The following DCC variants were observed in gnomAD, a reference collection of about 807,000 sequenced individuals.
DCC encodes the protein netrin receptor DCC.
DCC carries 58 observed loss-of-function variants against 172.5 expected under a neutral mutation model. The observed-to-expected ratio is 0.34, with a 90% CI of 0.27 to 0.42. The LOEUF is 0.42. Among genes scored for constraint, DCC ranks in the 10% least tolerant of loss-of-function variants. DCC has a pLI of 1.00. For synonymous variants in DCC, 709 were observed against 644.5 expected, an observed-to-expected ratio of 1.10 and a Z score of -1.52; for missense variants, 1,740 against 1,791.0, an observed-to-expected ratio of 0.97 and a Z score of 0.51.
At chr18:52,990,556 A>AG (rs2041372140) in intron 5 of DCC, among the ~76,000 whole-genome samples, 5 of 149,612 alleles carry the variant, frequency 3.3e-5, no homozygotes, top group Admixed American at 6.6e-5. Flanking sequence ...AAAAAAAAAA[A>AG]AAAAAAAAAA....
chr18:52,565,475 T>C (rs1346543464), intron 1 of DCC, among the ~76,000 whole-genome samples: 1 of 152,186 alleles, frequency 6.6e-6, no homozygotes, highest in Admixed American at 6.6e-5. Context: ...AAAGTGTTCC[T>C]ATTTCTCCAC....
intron 9 of DCC, among the ~76,000 whole-genome samples, chr18:53,201,614 G>C (rs1598900529): frequency 6.6e-6 from 1 of 152,164 alleles, no homozygotes; most frequent in Non-Finnish European, 1.5e-5. Context: ...ATACAGTACT[G>C]TGACCATCCA....
At chr18:53,140,053 G>C (rs149023305) in intron 7 of DCC, among the ~76,000 whole-genome samples, 3 of 152,288 alleles carry the variant, frequency 2.0e-5, no homozygotes, top group Admixed American at 6.5e-5. Context: ...CAGATGAATA[G>C]ATAGATAAAT....
intron 13 of DCC, among the ~76,000 whole-genome samples, chr18:53,311,130 A>C (rs5825013): frequency 4.1e-4 from 15 of 36,584 alleles, no homozygotes; most frequent in Middle Eastern, 0.017. Context: ...TTATTTATTT[A>C]TTTTTTTTGA....
intron 1 of DCC, among the ~76,000 whole-genome samples, chr18:52,748,596 T>C (rs2036946130): frequency 6.6e-6 from 1 of 152,154 alleles, no homozygotes; most frequent in African/African-American, 2.4e-5. Context: ...CTTCTTGTCG[T>C]CTTGGGTGGC....
chr18:52,894,949 A>G (rs1282820775), intron 2 of DCC, among the ~76,000 whole-genome samples: 1 of 152,216 alleles, frequency 6.6e-6, no homozygotes, highest in Non-Finnish European at 1.5e-5. Flanking sequence ...TGGGTGCCCC[A>G]CGGCCCAGTC....
At chr18:52,957,783 G>A (rs2040770638) in intron 5 of DCC, among the ~76,000 whole-genome samples, 1 of 152,096 alleles carries the variant, frequency 6.6e-6, no homozygotes, top group African/African-American at 2.4e-5. Context: ...AACTCAATAG[G>A]ATGTGAGAGT....
At chr18:53,200,079 G>C (rs536306769) in intron 9 of DCC, among the ~76,000 whole-genome samples, 1 of 152,174 alleles carries the variant, frequency 6.6e-6, no homozygotes, top group African/African-American at 2.4e-5. Context: ...AATACTTAAA[G>C]TAAATGATCC....
chr18:53,327,382 G>A (rs1178892879), intron 14 of DCC, among the ~76,000 whole-genome samples: 2 of 151,972 alleles, frequency 1.3e-5, no homozygotes, highest in African/African-American at 4.8e-5. Context: ...AGAAATGAGA[G>A]AATTTGTGAT....
At chr18:52,502,572 T>C (rs185236627) in intron 1 of DCC, among the ~76,000 whole-genome samples, 21 of 152,326 alleles carry the variant, frequency 1.4e-4, no homozygotes, top group Non-Finnish European at 2.6e-4. Flanking sequence ...ACATCTAGAA[T>C]TGATCCTTCC....
intron 2 of DCC, among the ~76,000 whole-genome samples, chr18:52,869,001 C>T (rs745329740): frequency 1.3e-5 from 2 of 152,338 alleles, no homozygotes; most frequent in Non-Finnish European, 2.9e-5. Context: ...CTGGAGATGG[C>T]AGGAACTGCA....
At chr18:53,333,035 G>A (rs7242224) in intron 14 of DCC, among the ~76,000 whole-genome samples, 6,575 of 148,976 alleles carry the variant, frequency 0.044, 469 homozygotes, top group African/African-American at 0.15. Flanking sequence ...GCGCTACTGC[G>A]CTCCAGCCTG....
Position 53,426,029 on chromosome 18 carries a change from C to CT in DCC, c.3164-9107dup, listed in dbSNP as rs558022372. ...GGGAGTTTTATTATTGTACCTCTGC[C>CT]TTTTTTTTCTAAGCTCATCCACCTC... On this transcript the variant is annotated intron_variant, in intron 21 of 28. Transcript: ENST00000442544. Among the ~76,000 whole-genome samples the CT allele has an allele frequency of 1.9e-4, 29 of 151,296 alleles. No individual in the cohort carries two copies. The South Asian group carries it at 5.0e-3, about 26-fold the overall frequency.
intron 1 of DCC, among the ~76,000 whole-genome samples, chr18:52,609,835 TA>T (rs1307162468): frequency 7.9e-5 from 12 of 151,946 alleles, no homozygotes; most frequent in African/African-American, 2.9e-4. Context: ...TGAACTATCT[TA>T]CAAGAAAAGC....
At chr18:52,617,447 A>T (rs2034404461) in intron 1 of DCC, among the ~76,000 whole-genome samples, 1 of 152,166 alleles carries the variant, frequency 6.6e-6, no homozygotes, top group Non-Finnish European at 1.5e-5. Flanking sequence ...CAATGCACAC[A>T]CTACTGAATC....
At chr18:53,021,136 A>G (rs1458589393) in intron 5 of DCC, among the ~76,000 whole-genome samples, 1 of 152,112 alleles carries the variant, frequency 6.6e-6, no homozygotes, top group Non-Finnish European at 1.5e-5. Flanking sequence ...ACAGTCCACA[A>G]AGGTCGGCTT....
intron 1 of DCC, among the ~76,000 whole-genome samples, chr18:52,351,140 G>C (rs147634408): frequency 1.5e-4 from 23 of 151,062 alleles, no homozygotes; most frequent in Admixed American, 2.7e-4. Context: ...GGATATTTAG[G>C]AGGGGCAGAC....
intron 1 of DCC, among the ~76,000 whole-genome samples, chr18:52,429,556 C>A (rs780705422): frequency 9.9e-5 from 15 of 152,128 alleles, no homozygotes; most frequent in Admixed American, 7.2e-4. Context: ...TTGTCATGGG[C>A]CCCTTTGATT....
At chr18:53,328,290 T>C (rs1379378048) in intron 14 of DCC, among the ~76,000 whole-genome samples, 3 of 152,210 alleles carry the variant, frequency 2.0e-5, no homozygotes. Context: ...AGGTGGGTTT[T>C]GCAGTCTTAA....
Sources: allele counts gnomAD v4.1 joint callset (sites outside exome capture counted in the v4.1 genomes callset), GRCh38; gene constraint gnomAD v4.1.1; transcripts MANE v1.5; gene names NCBI Gene and HGNC (gene_info 2026-07-23, HGNC 2026-07-21).